SCN10A: variants seen among roughly 807,000 people sequenced by gnomAD.
SCN10A encodes the protein sodium voltage-gated channel alpha subunit 10.
A neutral mutation model predicts 170.7 loss-of-function variants in SCN10A; 162 were observed. The observed-to-expected ratio is 0.95, with a 90% confidence interval of 0.84 to 1.08. The LOEUF (loss-of-function observed/expected upper bound fraction) is 1.08. Among genes scored for constraint, SCN10A ranks in the 50% least tolerant of loss-of-function variants. The pLI is 0.00. For missense variants in SCN10A, 2,527 were observed against 2,436.9 expected (o/e 1.04, Z -0.78); for synonymous variants, 985 against 904.6 (o/e 1.09, Z -1.59).
chr3:38,769,629 G>A (rs2063976004), intron 5 of SCN10A, among the ~76,000 whole-genome samples: 1 of 152,140 alleles, frequency 6.6e-6, no homozygotes, highest in South Asian at 2.1e-4. Context: ...GGGTGTTATT[G>A]AACCCTCTTT....
rs767957891 is a variant in SCN10A at position 38,771,397 on chromosome 3, T to C, written c.481A>G (p.Thr161Ala). Reference sequence around the variant, plus strand: ...AAGGCTTCAAAGGTGTAAATGACAGTGAAGACATATCTGGGAAGGAGGGTA... The same window carrying C: ...AAGGCTTCAAAGGTGTAAATGACAGCGAAGACATATCTGGGAAGGAGGGTA... ...DLPEKIEYVF[T>A]VIYTFEALIK... Residue 161 changes from threonine (T) to alanine (A), a missense_variant, in exon 5 of 28, where the codon ACT becomes GCT. Physicochemically the swap from Thr to Ala is moderately conservative, Grantham distance 58. Coordinates refer to ENST00000449082, the MANE Select transcript of SCN10A (RefSeq NM_006514.4). The C allele has an allele frequency of 6.2e-7, 1 of 1,613,938 alleles. No homozygotes were observed. The highest frequency in any genetic ancestry group is 8.5e-7 in the Non-Finnish European group (1 of 1,179,894).
chr3:38,750,743 G>A (rs1413607067), intron 12 of SCN10A, among the ~76,000 whole-genome samples: 1 of 152,192 alleles, frequency 6.6e-6, no homozygotes, highest in Non-Finnish European at 1.5e-5. Flanking sequence ...CTAAACAGAA[G>A]GGCCTAAAGA....
intron 12 of SCN10A, among the ~76,000 whole-genome samples, chr3:38,751,431 C>G (rs1011257012): frequency 2.6e-5 from 4 of 152,196 alleles, no homozygotes; most frequent in African/African-American, 9.7e-5. Flanking sequence ...TTGCTGGGAC[C>G]CTGAATCACA....
At chr3:38,774,700 G>A (rs1407149724) in intron 4 of SCN10A, among the ~76,000 whole-genome samples, 5 of 152,100 alleles carry the variant, frequency 3.3e-5, no homozygotes, top group Non-Finnish European at 7.4e-5. Flanking sequence ...TCATAAAAAT[G>A]GTAATTTAAA....
At chr3:38,777,043 T>G (rs1199803082) in intron 4 of SCN10A, among the ~76,000 whole-genome samples, 1 of 152,064 alleles carries the variant, frequency 6.6e-6, no homozygotes, top group Non-Finnish European at 1.5e-5. Flanking sequence ...AAAGTAATTA[T>G]GAGACTCTCA....
rs1173829302 is a variant in SCN10A at position 38,697,903 on chromosome 3, C to G, written c.5317G>C (p.Gly1773Arg). The change falls in exon 28 of 28, where the codon GGT (glycine) becomes CGT (arginine). Residue 1773 changes from glycine to arginine, a missense_variant. Gly to Arg is a moderately radical substitution (Grantham distance 125). Coordinates refer to ENST00000449082, the MANE Select transcript of SCN10A (RefSeq NM_006514.4). ...TTGGGTTTTGGGATTCTCAGGGGAC[C>G]AGAGAGAGTGTCTGCAAAGTCCGAG... is the stretch of plus-strand genomic sequence containing the variant. ...ALSDFADTLS[G>R]PLRIPKPNRN... is the part of the protein sequence containing the mutation. The G allele has an allele frequency of 6.2e-6, 10 of 1,614,018 alleles. No homozygotes were observed. The highest frequency in any genetic ancestry group is 8.5e-6 in the Non-Finnish European group (10 of 1,180,028).
At chr3:38,732,066 A>G (rs189220337) in intron 15 of SCN10A, among the ~76,000 whole-genome samples, 37 of 152,380 alleles carry the variant, frequency 2.4e-4, no homozygotes, top group African/African-American at 8.4e-4. Context: ...ATAAAGAGCA[A>G]GAAAGTGCTA....
chr3:38,781,824 CTCT>C (rs2064142768), intron 4 of SCN10A, among the ~76,000 whole-genome samples: 1 of 151,898 alleles, frequency 6.6e-6, no homozygotes, highest in South Asian at 2.1e-4. Context: ...TATTTGGCAT[CTCT>C]TATTTGCTTT....
intron 13 of SCN10A, among the ~76,000 whole-genome samples, chr3:38,746,063 G>GTATATATATATATATA (rs1553619550): frequency 4.9e-5 from 3 of 61,622 alleles, no homozygotes; most frequent in Non-Finnish European, 1.0e-4. Context: ...GTGTGTATGT[G>GTATATATATATATATA]TATATATATA....
rs1343065591 is a variant in SCN10A, at chr3:38,728,804, A to G, written c.2378T>C (p.Ile793Thr). The G allele has an allele frequency of 6.2e-7, 1 of 1,614,126 alleles. No individual in the cohort carries two copies. Reference sequence around the variant, plus strand: ...AAAGACAAAGACAATGATGGCCAGGATGATGGTGAGGTTCCCCAGTGCCCC... The same window carrying G: ...AAAGACAAAGACAATGATGGCCAGGGTGATGGTGAGGTTCCCCAGTGCCCC... ...SVGALGNLTI[I>T]LAIIVFVFAL... The change falls in exon 16 of 28, where the codon ATC becomes ACC. Residue 793 changes from isoleucine (I) to threonine (T), a missense_variant. Ile to Thr is a moderately conservative substitution (Grantham distance 89). Transcript: ENST00000449082.
Position 38,727,037 on chromosome 3 carries a change from T to C in SCN10A, c.2656A>G (p.Ile886Val), listed in dbSNP as rs2063465062. The change falls in exon 17 of 28, where the codon ATC becomes GTC. Residue 886 changes from isoleucine (I) to valine (V), a missense_variant. Ile to Val is a conservative substitution (Grantham distance 29). Coordinates refer to ENST00000449082, the MANE Select transcript of SCN10A (RefSeq NM_006514.4). The stretch of plus-strand genomic sequence containing the variant: ...CTGAAAGAGTTCAATAGCAGGGCGA[T>C]GAACAGGTTAAGCACCTGAAGAGAA... ...LGNLVVLNLF[I>V]ALLLNSFSAD... The C allele has an allele frequency of 6.2e-7, 1 of 1,611,204 alleles. No homozygotes were observed.
Position 38,742,544 on chromosome 3 carries a change from G to A in SCN10A, c.1868-15C>T. 1 of 1,599,820 alleles carries A rather than the reference G, an allele frequency of 6.3e-7. No homozygotes were observed. The highest frequency in any genetic ancestry group is 1.1e-5 in the South Asian group (1 of 90,776). ...CTCCTCGAGTTCTGCATTATAGTGT[G>A]GTCAATGACAGCTGTCAGCCATGTG... On this transcript the variant is annotated splice_polypyrimidine_tract_variant and intron_variant, in intron 13 of 27. Coordinates refer to ENST00000449082, the MANE Select transcript of SCN10A (RefSeq NM_006514.4).
intron 1 of SCN10A, among the ~76,000 whole-genome samples, chr3:38,797,285 A>C (rs188864966): frequency 3.9e-5 from 6 of 152,166 alleles, no homozygotes; most frequent in African/African-American, 9.7e-5. Flanking sequence ...CCCAATACCC[A>C]TATGTAGGAG....
At chr3:38,718,567 G>C in intron 21 of SCN10A, 86 bp downstream of exon 21, 1 of 1,420,256 alleles carries the variant, frequency 7.0e-7, no homozygotes, top group Non-Finnish European at 9.7e-7. Context: ...TTGAGGGCCA[G>C]GTCTCTGAGC....
chr3:38,759,737 G>T (rs1010877478), intron 8 of SCN10A, among the ~76,000 whole-genome samples: 4 of 152,150 alleles, frequency 2.6e-5, no homozygotes, highest in African/African-American at 9.7e-5. Context: ...TTTAAAAGTT[G>T]GAAGAGCTGG....
intron 4 of SCN10A, among the ~76,000 whole-genome samples, chr3:38,781,253 C>CA (rs772878006): frequency 1.3e-5 from 2 of 152,058 alleles, no homozygotes; most frequent in Non-Finnish European, 2.9e-5. Flanking sequence ...TCCCAAAACC[C>CA]AACTTGCACC....
At chr3:38,730,406 G>A (rs2063502415) in intron 15 of SCN10A, among the ~76,000 whole-genome samples, 1 of 152,176 alleles carries the variant, frequency 6.6e-6, no homozygotes. Context: ...TACCTCTGGA[G>A]GAACCTGCCT....
At chr3:38,729,455 A>T (rs11129805) in intron 15 of SCN10A, among the ~76,000 whole-genome samples, 55,247 of 151,970 alleles carry the variant, frequency 0.36, 11,110 homozygotes, top group African/African-American at 0.55. Flanking sequence ...AGCATTCATA[A>T]GTTGATTTAA....
At chr3:38,748,722 G>A (rs1170354898) in intron 13 of SCN10A, among the ~76,000 whole-genome samples, 1 of 152,126 alleles carries the variant, frequency 6.6e-6, no homozygotes, top group Non-Finnish European at 1.5e-5. Flanking sequence ...CCATTCTGGA[G>A]CCACAGGGCT....
Sources: allele counts gnomAD v4.1 joint callset (sites outside exome capture counted in the v4.1 genomes callset), GRCh38; gene constraint gnomAD v4.1.1; transcripts MANE v1.5; gene names NCBI Gene and HGNC (gene_info 2026-07-23, HGNC 2026-07-21).